TCERG1L: variants seen among roughly 807,000 people sequenced by gnomAD.
The protein encoded by TCERG1L is transcription elongation regulator 1-like protein.
In TCERG1L, 37 loss-of-function variants were observed where a neutral mutation model predicts 56.3. The ratio of observed to expected loss-of-function variants is 0.66; its 90% CI spans 0.51 to 0.87. The LOEUF (loss-of-function observed/expected upper bound fraction) is 0.87. TCERG1L is among the 40% of genes least tolerant of loss of function. TCERG1L has a pLI of 0.00. For missense variants in TCERG1L, 799 were observed against 774.2 expected, an observed-to-expected ratio of 1.03 and a Z score of -0.38; for synonymous variants, 324 against 326.3, an observed-to-expected ratio of 0.99 and a Z score of 0.08.
At chr10:131,167,181 G>A (rs1846040113) in intron 4 of TCERG1L, among the ~76,000 whole-genome samples, 1 of 152,328 alleles carries the variant, frequency 6.6e-6, no homozygotes, top group Middle Eastern at 3.4e-3. Flanking sequence ...GCCTGTGTGT[G>A]CAGGCAGTGT....
At chr10:131,276,104 T>C (rs1173214349) in intron 3 of TCERG1L, among the ~76,000 whole-genome samples, 1 of 152,172 alleles carries the variant, frequency 6.6e-6, no homozygotes, top group Non-Finnish European at 1.5e-5. Flanking sequence ...AGCATTCTCC[T>C]CCTGAAAGAT....
Position 131,293,043 on chromosome 10 carries a change from G to A in TCERG1L, c.670+15168C>T, listed in dbSNP as rs184584839. Among the ~76,000 whole-genome samples the A allele has an allele frequency of 5.9e-5, 9 of 152,116 alleles. No homozygotes were observed. The South Asian group carries it at 6.2e-4, about 11-fold the overall frequency. On this transcript the variant is annotated intron_variant, in intron 3 of 11. Transcript: ENST00000368642. Reference sequence around the variant, plus strand: ...TTTTTGTATTTTTAGTAGAGACAGCGTTTCGCCATGTTGGCCAGGCTGGTC... The same window carrying A: ...TTTTTGTATTTTTAGTAGAGACAGCATTTCGCCATGTTGGCCAGGCTGGTC...
intron 6 of TCERG1L, chr10:131,155,920 C>T (rs1177725542): frequency 6.6e-6 from 1 of 152,220 alleles, no homozygotes; most frequent in East Asian, 1.9e-4. Context: ...GAGTCCCCTC[C>T]CTGACAAGTG....
intron 6 of TCERG1L, among the ~76,000 whole-genome samples, chr10:131,154,797 G>A (rs1391081487): frequency 1.3e-5 from 2 of 152,238 alleles, no homozygotes; most frequent in African/African-American, 2.4e-5. Flanking sequence ...AGAAGAAGGT[G>A]CAGATATGCA....
At chr10:131,271,392 C>G (rs370403111) in intron 3 of TCERG1L, among the ~76,000 whole-genome samples, 1 of 152,204 alleles carries the variant, frequency 6.6e-6, no homozygotes, top group Non-Finnish European at 1.5e-5. Context: ...CAGCCTCAGT[C>G]CAGAGGACTT....
chr10:131,153,673 C>T (rs567190134), intron 6 of TCERG1L, among the ~76,000 whole-genome samples: 8 of 152,344 alleles, frequency 5.3e-5, no homozygotes, highest in Admixed American at 6.5e-5. Flanking sequence ...TCTAGGTCCC[C>T]GGTTCTCAGA....
At chr10:131,309,348 C>T in intron 1 of TCERG1L, 49 bp from the exon 2 acceptor site, 1 of 1,552,600 alleles carries the variant, frequency 6.4e-7, no homozygotes, top group Non-Finnish European at 8.6e-7. Flanking sequence ...AATCCATCCA[C>T]TCGACTTCAT....
At chr10:131,270,064 G>A (rs1846325299) in intron 3 of TCERG1L, among the ~76,000 whole-genome samples, 1 of 152,174 alleles carries the variant, frequency 6.6e-6, no homozygotes, top group Admixed American at 6.6e-5. Context: ...GCCCAGTGTT[G>A]GGAAGAAGAG....
At chr10:131,216,001 C>T (rs545618632) in intron 4 of TCERG1L, among the ~76,000 whole-genome samples, 1 of 152,244 alleles carries the variant, frequency 6.6e-6, no homozygotes, top group South Asian at 2.1e-4. Flanking sequence ...CCAGACTCCC[C>T]ATGACACAGG....
intron 4 of TCERG1L, among the ~76,000 whole-genome samples, chr10:131,243,933 C>A (rs1199643636): frequency 1.3e-5 from 2 of 152,210 alleles, no homozygotes; most frequent in Non-Finnish European, 2.9e-5. Context: ...GCTACATAAA[C>A]AGCCATTATT....
chr10:131,208,983 G>A (rs577283961), intron 4 of TCERG1L, among the ~76,000 whole-genome samples: 23 of 151,860 alleles, frequency 1.5e-4, no homozygotes, highest in African/African-American at 2.7e-4. Flanking sequence ...GCGTGAACCC[G>A]GGAGGTGGAG....
At chr10:131,251,549 G>A (rs1250849803) in intron 4 of TCERG1L, among the ~76,000 whole-genome samples, 5 of 152,210 alleles carry the variant, frequency 3.3e-5, no homozygotes, top group South Asian at 4.1e-4. Flanking sequence ...ACTGTGTTCC[G>A]GACTGCTGAT....
intron 4 of TCERG1L, among the ~76,000 whole-genome samples, chr10:131,201,058 C>T (rs11815571): frequency 0.029 from 4,470 of 152,242 alleles, 194 homozygotes; most frequent in African/African-American, 0.099. Flanking sequence ...GTCTCATGAC[C>T]TGTTAAAGGC....
At chr10:131,173,287 T>C (rs2133442736) in intron 4 of TCERG1L, among the ~76,000 whole-genome samples, 1 of 152,320 alleles carries the variant, frequency 6.6e-6, no homozygotes, top group African/African-American at 2.4e-5. Flanking sequence ...TGATCTCATT[T>C]AACAACTGAG....
chr10:131,142,293 G>T (rs2133411284), intron 7 of TCERG1L, among the ~76,000 whole-genome samples: 1 of 152,196 alleles, frequency 6.6e-6, no homozygotes, highest in South Asian at 2.1e-4. Flanking sequence ...ACCCTCCAGG[G>T]CTCTGGCATT....
At chr10:131,306,406 T>C (rs1202981142) in intron 3 of TCERG1L, among the ~76,000 whole-genome samples, 10 of 143,838 alleles carry the variant, frequency 7.0e-5, no homozygotes, top group Admixed American at 6.9e-4. Context: ...TATATTCATA[T>C]ATGATCCGTA....
At chr10:131,187,499 C>T (rs117555557) in intron 4 of TCERG1L, among the ~76,000 whole-genome samples, 46 of 152,280 alleles carry the variant, frequency 3.0e-4, no homozygotes, top group African/African-American at 9.1e-4. Flanking sequence ...CACCCAGGGC[C>T]GGCGCCCATC....
intron 4 of TCERG1L, among the ~76,000 whole-genome samples, chr10:131,231,369 C>T (rs1845850036): frequency 6.6e-6 from 1 of 152,224 alleles, no homozygotes; most frequent in African/African-American, 2.4e-5. Flanking sequence ...CTTCCTGTGC[C>T]TCCACAGCCC....
At chr10:131,147,627 T>A (rs1231549674) in intron 6 of TCERG1L, among the ~76,000 whole-genome samples, 2 of 152,252 alleles carry the variant, frequency 1.3e-5, no homozygotes, top group Non-Finnish European at 2.9e-5. Flanking sequence ...CTCCCCTCTC[T>A]GGGCCTCGGC....
Sources: allele counts gnomAD v4.1 joint callset (sites outside exome capture counted in the v4.1 genomes callset), GRCh38; gene constraint gnomAD v4.1.1; transcripts MANE v1.5; gene names NCBI Gene and HGNC (gene_info 2026-07-23, HGNC 2026-07-21).